The following ENOX1 variants were observed in gnomAD, a reference collection of about 807,000 sequenced individuals.
The protein encoded by ENOX1 is ecto-NOX disulfide-thiol exchanger 1.
In ENOX1, 42 loss-of-function variants were observed where a neutral mutation model predicts 82.5. The observed-to-expected ratio is 0.51, with a 90% CI of 0.40 to 0.66. The LOEUF (loss-of-function observed/expected upper bound fraction) is 0.66. Among genes scored for constraint, ENOX1 ranks in the 30% least tolerant of loss-of-function variants. The pLI, the probability that ENOX1 is intolerant of heterozygous loss-of-function variation, is 0.00. For synonymous variants in ENOX1, 271 were observed against 282.2 expected, an observed-to-expected ratio of 0.96 and a Z score of 0.40; for missense variants, 608 against 811.6, an observed-to-expected ratio of 0.75 and a Z score of 3.05.
At chr13:43,535,404 T>C (rs981514852) in intron 2 of ENOX1, among the ~76,000 whole-genome samples, 15 of 152,202 alleles carry the variant, frequency 9.9e-5, no homozygotes, top group Non-Finnish European at 2.1e-4. Flanking sequence ...CATTTGCCTC[T>C]AGCATCCCAG....
chr13:43,629,003 C>T (rs1046874378), intron 2 of ENOX1, among the ~76,000 whole-genome samples: 1 of 152,090 alleles, frequency 6.6e-6, no homozygotes, highest in Non-Finnish European at 1.5e-5. Flanking sequence ...CAAGAAGGGG[C>T]AGGGGTACAT....
chr13:43,516,618 C>T (rs990514079), intron 2 of ENOX1, among the ~76,000 whole-genome samples: 2 of 152,152 alleles, frequency 1.3e-5, no homozygotes, highest in African/African-American at 2.4e-5. Flanking sequence ...TAGGGAGCAA[C>T]AGGGAAGAAC....
intron 1 of ENOX1, among the ~76,000 whole-genome samples, chr13:43,758,504 T>C (rs1950780067): frequency 2.0e-5 from 3 of 152,184 alleles, no homozygotes; most frequent in Non-Finnish European, 2.9e-5. Context: ...TGGATGTGCA[T>C]AGAAGGCCAG....
chr13:43,348,756 G>A (rs1483495035), intron 8 of ENOX1, among the ~76,000 whole-genome samples: 1 of 152,082 alleles, frequency 6.6e-6, no homozygotes, highest in Admixed American at 6.5e-5. Context: ...ACCCTTATTT[G>A]GCTTAATAAT....
At position 43,296,945 on chromosome 13, in the gene ENOX1, G is replaced by A. The variant is rs141401156; in HGVS notation, c.1446+1401C>T. ...GCGAGGGTGCCAACAAACACCCAAT[G>A]TTGGGGCACATGGACAACCCCAGAA... On this transcript the variant is annotated intron_variant, in intron 12 of 16. Transcript: ENST00000690772. 3.7e-3 allele frequency among the ~76,000 whole-genome samples: 571 copies of A among 152,274 alleles called. 4 individuals are homozygous for A. The highest frequency in any genetic ancestry group is 0.013 in the African/African-American group (537 of 41,558).
chr13:43,557,009 G>A (rs936663103), intron 2 of ENOX1, among the ~76,000 whole-genome samples: 4 of 152,364 alleles, frequency 2.6e-5, no homozygotes, highest in East Asian at 1.9e-4. Flanking sequence ...GGAAAAGCCT[G>A]GGCAAGCCAG....
chr13:43,498,428 C>A (rs1381604639), intron 2 of ENOX1, among the ~76,000 whole-genome samples: 6 of 151,978 alleles, frequency 3.9e-5, no homozygotes, highest in Admixed American at 3.3e-4. Flanking sequence ...AGATTGGACA[C>A]ATCAAAGTAA....
At chr13:43,291,251 G>T (rs992853581) in intron 12 of ENOX1, among the ~76,000 whole-genome samples, 2 of 152,134 alleles carry the variant, frequency 1.3e-5, no homozygotes, top group African/African-American at 4.8e-5. Context: ...CCATCCCTGT[G>T]TCTGGAACGG....
intron 2 of ENOX1, among the ~76,000 whole-genome samples, chr13:43,564,444 G>T (rs1345778679): frequency 6.6e-6 from 1 of 151,674 alleles, no homozygotes; most frequent in Admixed American, 6.6e-5. Flanking sequence ...AAACAGAAAA[G>T]AAAAAAGAAA....
intron 8 of ENOX1, 58 bp from the exon 9 acceptor site, chr13:43,344,808 T>C (rs989849491): frequency 6.5e-7 from 1 of 1,537,326 alleles, no homozygotes; most frequent in Non-Finnish European, 9.0e-7. Flanking sequence ...TACACTTTAT[T>C]CTTGTTCCTC....
chr13:43,526,220 A>G (rs563932986), intron 2 of ENOX1, among the ~76,000 whole-genome samples: 3 of 152,296 alleles, frequency 2.0e-5, no homozygotes, highest in Admixed American at 2.0e-4. Context: ...GATTATGAGT[A>G]AAATGTCCCA....
chr13:43,474,992 C>T (rs1157432455), intron 3 of ENOX1, among the ~76,000 whole-genome samples: 1 of 151,768 alleles, frequency 6.6e-6, no homozygotes, highest in East Asian at 1.9e-4. Flanking sequence ...GAGATGAATC[C>T]TCATGCAACA....
At chr13:43,596,916 G>A (rs2081499917) in intron 2 of ENOX1, among the ~76,000 whole-genome samples, 1 of 152,212 alleles carries the variant, frequency 6.6e-6, no homozygotes, top group African/African-American at 2.4e-5. Context: ...CTCATGGAGT[G>A]TATCAGTCTG....
At chr13:43,533,175 G>C (rs2078304844) in intron 2 of ENOX1, among the ~76,000 whole-genome samples, 1 of 152,094 alleles carries the variant, frequency 6.6e-6, no homozygotes, top group Non-Finnish European at 1.5e-5. Context: ...TGCACCCGGT[G>C]AGTAATGACC....
chr13:43,557,127 A>ATAT, intron 2 of ENOX1, among the ~76,000 whole-genome samples: 1 of 152,342 alleles, frequency 6.6e-6, no homozygotes, highest in South Asian at 2.1e-4. Flanking sequence ...CAGTGGCTGG[A>ATAT]CTGCATATCT....
chr13:43,690,652 C>G (rs2086309761), intron 1 of ENOX1, among the ~76,000 whole-genome samples: 1 of 152,172 alleles, frequency 6.6e-6, no homozygotes, highest in South Asian at 2.1e-4. Flanking sequence ...AGGAAAAACT[C>G]CGCAAGCAGC....
chr13:43,722,727 T>TA (rs150881985), intron 1 of ENOX1, among the ~76,000 whole-genome samples: 3,440 of 147,924 alleles, frequency 0.023, 117 homozygotes, highest in African/African-American at 0.077. Context: ...ACTCTAAAGG[T>TA]AAAAAAAAAA....
chr13:43,695,350 T>G lies in ENOX1; in HGVS notation c.-284-27806A>C, dbSNP rs191265308. Among the ~76,000 whole-genome samples the G allele has an allele frequency of 5.5e-3, 842 of 151,792 alleles. 8 individuals carry two copies. Among genetic ancestry groups the G allele is most frequent in the Non-Finnish European group, 7.5e-3 (509 of 67,914 alleles). On this transcript the variant is annotated intron_variant, in intron 1 of 16. Transcript: ENST00000690772. ...GCCTTGATCTCCTCATCCATCAAAG[T>G]GCTTTAACTGACCTAATCACAGCCA...
chr13:43,531,401 G>A (rs1028846686), intron 2 of ENOX1, among the ~76,000 whole-genome samples: 4 of 151,826 alleles, frequency 2.6e-5, no homozygotes, highest in East Asian at 3.9e-4. Context: ...TTAGAATGGT[G>A]ATCATTAAAA....
Sources: gnomAD v4.1 joint callset for allele counts (sites outside exome capture counted in the v4.1 genomes callset) on GRCh38, gnomAD v4.1.1 for gene constraint, MANE v1.5 for transcripts, NCBI Gene and HGNC (gene_info 2026-07-23, HGNC 2026-07-21) for gene names.